NXPE2: variants seen among roughly 807,000 people sequenced by gnomAD.
NXPE2 encodes neurexophilin and PC-esterase domain family member 2.
In NXPE2, 34 loss-of-function variants were observed where a neutral mutation model predicts 34.4. The ratio of observed to expected loss-of-function variants is 0.99; its 90% CI spans 0.75 to 1.31. The LOEUF (loss-of-function observed/expected upper bound fraction) is 1.31. NXPE2 is among the 40% of genes most tolerant of loss of function. The probability of loss-of-function intolerance (pLI) is 0.00; values close to 1 mark genes in which losing one functional copy is unlikely to be tolerated. For missense variants in NXPE2, 649 were observed against 672.5 expected (o/e 0.97, Z 0.39); for synonymous variants, 235 against 231.3 (o/e 1.02, Z -0.15).
At chr11:114,724,264 T>C in the NXPE2 span, among the ~76,000 whole-genome samples, 1 of 152,156 alleles carries the variant, frequency 6.6e-6, no homozygotes, top group Non-Finnish European at 1.5e-5. Context: ...TGCCACCTGC[T>C]GCTATCACAG....
the NXPE2 span, among the ~76,000 whole-genome samples, chr11:114,655,219 T>C: frequency 2.2e-4 from 33 of 152,368 alleles, no homozygotes; most frequent in African/African-American, 6.7e-4. Flanking sequence ...AAATGCTGGA[T>C]ATTAAACCTT....
chr11:114,674,503 C>G (rs1454294484), upstream of NXPE2, among the ~76,000 whole-genome samples: 2 of 151,080 alleles, frequency 1.3e-5, no homozygotes, highest in Non-Finnish European at 3.0e-5. Context: ...TTATGCAAAC[C>G]TCATGGCAAC....
chr11:114,557,383 G>A, the NXPE2 span, among the ~76,000 whole-genome samples: 1 of 151,986 alleles, frequency 6.6e-6, no homozygotes, highest in South Asian at 2.1e-4. Context: ...AGGGACCTTA[G>A]AAAACTGTAC....
chr11:114,678,719 G>A (rs564599466), intron 1 of NXPE2, 118 bp downstream of exon 1: 255 of 707,922 alleles, frequency 3.6e-4, no homozygotes, highest in Non-Finnish European at 5.2e-4. Context: ...TAGTAAAATC[G>A]TTTTATTTGG....
At chr11:114,782,016 C>T in the NXPE2 span, among the ~76,000 whole-genome samples, 2 of 152,166 alleles carry the variant, frequency 1.3e-5, no homozygotes, top group East Asian at 3.8e-4. Context: ...GGACCTCCCA[C>T]AGATATCAAA....
chr11:114,602,353 A>T, the NXPE2 span, among the ~76,000 whole-genome samples: 15 of 126,524 alleles, frequency 1.2e-4, no homozygotes, highest in Admixed American at 5.7e-4. Context: ...AACATATACT[A>T]TATATAATAT....
the NXPE2 span, among the ~76,000 whole-genome samples, chr11:114,561,788 T>C: frequency 2.0e-5 from 3 of 152,192 alleles, no homozygotes; most frequent in Non-Finnish European, 1.5e-5. Flanking sequence ...TTTGGCGCTT[T>C]TAATGGCCCA....
chr11:114,574,023 C>G, the NXPE2 span, among the ~76,000 whole-genome samples: 2 of 151,986 alleles, frequency 1.3e-5, no homozygotes, highest in Admixed American at 6.6e-5. Flanking sequence ...TCTCAGACCA[C>G]AGTGGAATAA....
At chr11:114,561,533 G>A in the NXPE2 span, among the ~76,000 whole-genome samples, 1 of 152,146 alleles carries the variant, frequency 6.6e-6, no homozygotes, top group Admixed American at 6.6e-5. Context: ...TTTCAGAGGG[G>A]ACCAGTATTA....
At chr11:114,570,947 A>G in the NXPE2 span, 4 of 1,574,230 alleles carry the variant, frequency 2.5e-6, no homozygotes, top group Non-Finnish European at 1.7e-6. Flanking sequence ...TTTAACAAAT[A>G]TAGTTTAATA....
At chr11:114,615,723 T>C in the NXPE2 span, among the ~76,000 whole-genome samples, 1 of 151,562 alleles carries the variant, frequency 6.6e-6, no homozygotes, top group African/African-American at 2.4e-5. Flanking sequence ...TAATAAGTAT[T>C]GCCTCACGGG....
the NXPE2 span, among the ~76,000 whole-genome samples, chr11:114,781,317 C>T: frequency 6.6e-6 from 1 of 152,166 alleles, no homozygotes; most frequent in Non-Finnish European, 1.5e-5. Context: ...ATTGCTTTTC[C>T]CAAGGACCCT....
the NXPE2 span, among the ~76,000 whole-genome samples, chr11:114,648,316 T>A: frequency 6.6e-6 from 1 of 152,004 alleles, no homozygotes; most frequent in Non-Finnish European, 1.5e-5. Context: ...AGGTTGAAGG[T>A]CCAGGAAGAG....
chr11:114,610,323 T>A, the NXPE2 span, among the ~76,000 whole-genome samples: 1 of 151,712 alleles, frequency 6.6e-6, no homozygotes, highest in African/African-American at 2.4e-5. Flanking sequence ...TGTTATCCGG[T>A]GAATAATAAG....
chr11:114,765,192 C>A, the NXPE2 span, among the ~76,000 whole-genome samples: 2 of 152,192 alleles, frequency 1.3e-5, no homozygotes, highest in Non-Finnish European at 2.9e-5. Flanking sequence ...ATGTCTCCAC[C>A]TCTGACATCC....
the NXPE2 span, among the ~76,000 whole-genome samples, chr11:114,762,981 G>T: frequency 2.1e-3 from 313 of 152,092 alleles, no homozygotes; most frequent in African/African-American, 7.4e-3. Flanking sequence ...TGCCACACCA[G>T]CCTCCTGACT....
the NXPE2 span, among the ~76,000 whole-genome samples, chr11:114,535,453 C>G: frequency 0.6 from 91,087 of 152,018 alleles, 29,089 homozygotes; most frequent in African/African-American, 0.84. Flanking sequence ...AATGTAAATG[C>G]GCTAAATTGC....
chr11:114,476,838 T>C, the NXPE2 span, among the ~76,000 whole-genome samples: 1 of 152,054 alleles, frequency 6.6e-6, no homozygotes, highest in Non-Finnish European at 1.5e-5. Context: ...ACCATATCAA[T>C]AGTGTGTGTG....
the NXPE2 span, among the ~76,000 whole-genome samples, chr11:114,713,894 A>G: frequency 3.3e-5 from 5 of 152,210 alleles, no homozygotes; most frequent in African/African-American, 1.2e-4. Flanking sequence ...TTCTTCCTGT[A>G]CAGCATGAGT....
Sources: allele counts gnomAD v4.1 joint callset (sites outside exome capture counted in the v4.1 genomes callset), GRCh38; gene constraint gnomAD v4.1.1; transcripts MANE v1.5; gene names NCBI Gene and HGNC (gene_info 2026-07-23, HGNC 2026-07-21).